Variants in IGSF9B observed in about 807,000 individuals in gnomAD.
The protein encoded by IGSF9B is immunoglobulin superfamily member 9B.
Under a neutral mutation model 143.7 loss-of-function variants are expected in IGSF9B, and 48 were observed. That is an observed-to-expected ratio of 0.33 (90% CI 0.26 to 0.42). The LOEUF (loss-of-function observed/expected upper bound fraction) is 0.42. IGSF9B is among the 20% of genes least tolerant of loss of function. The pLI, the probability that IGSF9B is intolerant of heterozygous loss-of-function variation, is 1.00. For synonymous variants in IGSF9B, 903 were observed against 833.1 expected, an observed-to-expected ratio of 1.08 and a Z score of -1.44; for missense variants, 1,706 against 1,980.0, an observed-to-expected ratio of 0.86 and a Z score of 2.63.
Position 133,906,104 on chromosome 11 carries a change from G to T in IGSF9B, c.*2965C>A, listed in dbSNP as rs1290081336. The stretch of plus-strand genomic sequence containing the variant: ...GACCGTAAAAGGGGAAGTTTGGAAG[G>T]CGTGATCTCCTACAGAGTGAGTGCC... On this transcript the variant is annotated 3_prime_UTR_variant, in exon 20 of 20. Transcript: ENST00000533871. 6.6e-6 allele frequency among the ~76,000 whole-genome samples: 1 copy of T among 152,220 alleles called. No homozygotes were observed. Among genetic ancestry groups the T allele is most frequent in the African/African-American group, 2.4e-5 (1 of 41,456 alleles).
At position 133,936,747 on chromosome 11, in the gene IGSF9B, C is replaced by T. The variant is rs371231200; in HGVS notation, c.680-553G>A. On this transcript the variant is annotated intron_variant, in intron 5 of 19. Coordinates refer to ENST00000533871, the MANE Select transcript of IGSF9B (RefSeq NM_001277285.4). ...CTCAGAGGCAGGAGGAGCATGCAGC[C>T]GCCACCAACCCCCACAACCCCCGAG... Among the ~76,000 whole-genome samples, 15 of 152,294 alleles carry T rather than the reference C, an allele frequency of 9.8e-5. No individual in the cohort carries two copies. In the East Asian group the frequency reaches 1.4e-3, roughly 14 times the overall value.
intron 1 of IGSF9B, among the ~76,000 whole-genome samples, chr11:133,950,721 C>T (rs933455898): frequency 1.3e-5 from 2 of 152,232 alleles, no homozygotes; most frequent in Non-Finnish European, 2.9e-5. Flanking sequence ...CAGAAGGCGG[C>T]CGGGTGGGCT....
rs745816240 is a variant in IGSF9B at position 133,920,430 on chromosome 11, C to T, written c.3295G>A (p.Ala1099Thr). The T allele has an allele frequency of 1.3e-6, 2 of 1,575,532 alleles. No individual in the cohort carries two copies. Among genetic ancestry groups the T allele is most frequent in the Non-Finnish European group, 1.7e-6 (2 of 1,162,854 alleles). ...AAYPGILSLE[A>T]PKGWAGKSPG... ...GACTTGCCTGCCCAACCCTTCGGTG[C>T]CTCCAGAGACAGGATGCCCGGGTAG... Residue 1099 changes from alanine (A) to threonine (T), a missense_variant, in exon 18 of 20, where the codon GCA (alanine) becomes ACA (threonine). Ala to Thr is a moderately conservative substitution (Grantham distance 58). Around this residue, in one of 7 missense-constraint regions of IGSF9B, gnomAD observed 880 missense variants for 762.9 expected, o/e 1.15. Coordinates refer to ENST00000533871, the MANE Select transcript of IGSF9B (RefSeq NM_001277285.4).
chr11:133,933,246 C>A (rs538628175), intron 7 of IGSF9B, among the ~76,000 whole-genome samples: 2 of 152,302 alleles, frequency 1.3e-5, no homozygotes, highest in South Asian at 2.1e-4. Flanking sequence ...AGACCCCTAG[C>A]GTCAAAGCCA....
At chr11:133,944,149 G>A in intron 3 of IGSF9B, 71 bp downstream of exon 3, 2 of 1,493,448 alleles carry the variant, frequency 1.3e-6, no homozygotes, top group Non-Finnish European at 1.8e-6. Context: ...CCCTGGGGCA[G>A]GCCCACCCCG....
Position 133,897,804 on chromosome 11 carries a change from G to A in IGSF9B, c.*11265C>T, listed in dbSNP as rs774929194. 1 of 152,180 alleles carries A rather than the reference G, an allele frequency of 6.6e-6. No homozygotes were observed. Among genetic ancestry groups the A allele is most frequent in the Non-Finnish European group, 1.5e-5 (1 of 68,038 alleles). 9.4% of individuals were successfully genotyped at this position (152,180 alleles called of 1,614,324 possible). A position where few individuals can be genotyped will look rare whatever the true frequency, so the allele number is the denominator to read the frequency against. On this transcript the variant is annotated 3_prime_UTR_variant, in exon 20 of 20. Transcript: ENST00000533871. ...TTGCCATTCAAGTTCACACTCAAAG[G>A]TGTTCTGTGTGCAGCTGTACAATTT...
At chr11:133,917,882 G>A (rs1034231825) in intron 18 of IGSF9B, among the ~76,000 whole-genome samples, 1 of 152,098 alleles carries the variant, frequency 6.6e-6, no homozygotes, top group Admixed American at 6.5e-5. Flanking sequence ...GTCCCCAAGG[G>A]TGCAGAGATG....
At chr11:133,940,254 T>C (rs1591722174) in intron 3 of IGSF9B, among the ~76,000 whole-genome samples, 3 of 96,976 alleles carry the variant, frequency 3.1e-5, no homozygotes, top group Admixed American at 1.3e-4. Context: ...ACCTCGCACG[T>C]CCTCGCACGC....
At position 133,920,456 on chromosome 11, in the gene IGSF9B, G is replaced by A; in HGVS notation, c.3269C>T (p.Ala1090Val). 1 of 1,565,942 alleles carries A rather than the reference G, an allele frequency of 6.4e-7. No homozygotes were observed. The highest frequency in any genetic ancestry group is 8.7e-7 in the Non-Finnish European group (1 of 1,155,710). Residue 1090 changes from alanine (A) to valine (V), a missense_variant, in exon 18 of 20, where the codon GCC becomes GTC. Physicochemically the swap from Ala to Val is moderately conservative, Grantham distance 64. Around this residue, in one of 7 missense-constraint regions of IGSF9B, gnomAD observed 880 missense variants for 762.9 expected, o/e 1.15. Coordinates refer to ENST00000533871, the MANE Select transcript of IGSF9B (RefSeq NM_001277285.4). Reference protein sequence around the residue: ...LPPTSLQVPAAYPGILSLEAP... With the variant: ...LPPTSLQVPAVYPGILSLEAP... Reference sequence around the variant, plus strand: ...CTCCAGAGACAGGATGCCCGGGTAGGCCGCGGGCACCTGCAGGGAGGTGGG... The same window carrying A: ...CTCCAGAGACAGGATGCCCGGGTAGACCGCGGGCACCTGCAGGGAGGTGGG...
intron 11 of IGSF9B, 129 bp downstream of exon 11, chr11:133,930,855 C>A (rs935661365): frequency 1.2e-5 from 12 of 964,858 alleles, no homozygotes; most frequent in Middle Eastern, 6.8e-4. Context: ...GAGTTCAGGG[C>A]TGCACTGACT....
chr11:133,918,185 A>G (rs1939429175), intron 18 of IGSF9B, among the ~76,000 whole-genome samples: 1 of 152,064 alleles, frequency 6.6e-6, no homozygotes, highest in Non-Finnish European at 1.5e-5. Flanking sequence ...TCCCCTGTCC[A>G]GGAAGCAATG....
At chr11:133,922,539 G>T in intron 16 of IGSF9B, 30 bp downstream of exon 16, 1 of 1,596,628 alleles carries the variant, frequency 6.3e-7, no homozygotes, top group Non-Finnish European at 8.6e-7. Flanking sequence ...ACCGGGCCAG[G>T]GAGAGCAAGG....
chr11:133,925,015 A>G (rs1483228180), intron 14 of IGSF9B, 111 bp from the exon 15 acceptor site: 8 of 830,548 alleles, frequency 9.6e-6, no homozygotes, highest in Non-Finnish European at 1.6e-5. Flanking sequence ...CCCAAAGCAC[A>G]GGAGGACTGC....
At chr11:133,933,799 T>G (rs1939775231) in intron 7 of IGSF9B, among the ~76,000 whole-genome samples, 1 of 151,974 alleles carries the variant, frequency 6.6e-6, no homozygotes, top group Non-Finnish European at 1.5e-5. Flanking sequence ...CTGAGTCACC[T>G]CCTCTCAGTA....
rs1392220297 is a variant in IGSF9B, at chr11:133,931,140, T to C, written c.1369-6A>G. The C allele has an allele frequency of 6.2e-7, 1 of 1,610,246 alleles. No individual in the cohort carries two copies. Among genetic ancestry groups the C allele is most frequent in the South Asian group, 1.1e-5 (1 of 90,688 alleles). On this transcript the variant is annotated splice_polypyrimidine_tract_variant and splice_region_variant and intron_variant, in intron 10 of 19. Transcript: ENST00000533871. This position sits in a 1 kb window ranked among gnomAD's most constrained non-coding sequence, Gnocchi z 7.7. ...CTTCTGCTGGGCTTCCCTACCTTGGTGAACAAGGGGCAGGGAAGAGGGTGG... is the reference window on the plus strand; with the variant it reads ...CTTCTGCTGGGCTTCCCTACCTTGGCGAACAAGGGGCAGGGAAGAGGGTGG...
rs1461757508 is a variant in IGSF9B, at chr11:133,925,966, C to T, written c.1808-1G>A. The T allele has an allele frequency of 1.3e-6, 2 of 1,587,752 alleles. No homozygotes were observed. Among genetic ancestry groups the T allele is most frequent in the Admixed American group, 1.8e-5 (1 of 56,166 alleles). On this transcript the variant is annotated splice_acceptor_variant, in intron 13 of 19. Coordinates refer to ENST00000533871, the MANE Select transcript of IGSF9B (RefSeq NM_001277285.4). LOFTEE classifies it high-confidence loss of function. ...GGTTCTGGAGTTGTAATAGGGAATG[C>T]TGCGGCGGGGGAAGGAGAAGAACCA...
rs968400971 is a variant in IGSF9B at position 133,937,899 on chromosome 11, T to G, written c.472A>C (p.Thr158Pro). 6.2e-7 allele frequency: 1 copy of G among 1,612,846 alleles called. No homozygotes were observed. Among genetic ancestry groups the G allele is most frequent in the African/African-American group, 1.3e-5 (1 of 75,018 alleles). The change falls in exon 4 of 20, where the codon ACC becomes CCC. Residue 158 changes from threonine to proline, a missense_variant. By Grantham distance (38) the Thr-to-Pro change is conservative. Transcript: ENST00000533871. ...YIEAKEGGSI[T>P]MTCTAFGNPK... The stretch of plus-strand genomic sequence containing the variant: ...TTCCCAAAAGCTGTGCAGGTCATGG[T>G]GATACTACCACCCTCCTTGGCCTCG...
Position 133,945,095 on chromosome 11 carries a change from T to C in IGSF9B, c.263-729A>G, listed in dbSNP as rs1322528095. ...AGTAGGATGCCATCTGTGTCTCACA[T>C]GTGGCAATGAGGAGGCCAGAGGTGC... On this transcript the variant is annotated intron_variant, in intron 2 of 19. Coordinates refer to ENST00000533871, the MANE Select transcript of IGSF9B (RefSeq NM_001277285.4). This position sits in a 1 kb window ranked among gnomAD's most constrained non-coding sequence, Gnocchi z 4.6. Among the ~76,000 whole-genome samples the C allele has an allele frequency of 6.6e-6, 1 of 152,124 alleles. No individual in the cohort carries two copies. The highest frequency in any genetic ancestry group is 1.5e-5 in the Non-Finnish European group (1 of 68,010).
rs10791340 is a variant in IGSF9B, at chr11:133,948,085, G to C, written c.65-1827C>G. On this transcript the variant is annotated intron_variant, in intron 1 of 19. Coordinates refer to ENST00000533871, the MANE Select transcript of IGSF9B (RefSeq NM_001277285.4). The surrounding 1 kb of genome is among the most constrained non-coding windows in gnomAD (Gnocchi z 4.7). ...TGTGTGTGTGTGTGTGTGTGTGTGT[G>C]TGTGTCTGTGTGTGTTTCGGTTGGC... 0.032 allele frequency among the ~76,000 whole-genome samples: 4,859 copies of C among 149,628 alleles called. 113 individuals are homozygous for C. Among genetic ancestry groups the C allele is most frequent in the Middle Eastern group, 0.049 (14 of 284 alleles).
Sources: gnomAD v4.1 joint callset for allele counts (sites outside exome capture counted in the v4.1 genomes callset) on GRCh38, gnomAD v4.1.1 for gene constraint, gnomAD v4.1.1 regional missense constraint, Gnocchi (gnomAD v3.1) non-coding constraint, MANE v1.5 for transcripts, NCBI Gene and HGNC (gene_info 2026-07-23, HGNC 2026-07-21) for gene names.